The following HIP1 variants were observed in gnomAD, a reference collection of about 807,000 sequenced individuals.
HIP1 encodes huntingtin-interacting protein 1.
Under a neutral mutation model 147.6 loss-of-function variants are expected in HIP1, and 65 were observed. The observed-to-expected ratio is 0.44, with a 90% CI of 0.36 to 0.54. The LOEUF (loss-of-function observed/expected upper bound fraction) is 0.54. Ranked by LOEUF, HIP1 falls within the 20% of genes least tolerant of loss-of-function variation. HIP1 has a pLI of 0.00. For missense variants in HIP1, 1,061 were observed against 1,299.6 expected (o/e 0.82, Z 2.82); for synonymous variants, 479 against 504.0 (o/e 0.95, Z 0.67).
chr7:75,594,760 C>T (rs1485211452), intron 2 of HIP1, among the ~76,000 whole-genome samples: 3 of 152,142 alleles, frequency 2.0e-5, no homozygotes, highest in Non-Finnish European at 2.9e-5. Flanking sequence ...GGCGACAGAG[C>T]GAGACTCCAT....
intron 1 of HIP1, among the ~76,000 whole-genome samples, chr7:75,678,589 C>T (rs1194870948): frequency 5.3e-5 from 8 of 152,162 alleles, no homozygotes; most frequent in African/African-American, 1.9e-4. Context: ...AGTGATCCAC[C>T]TGCCTCGGCC....
intron 1 of HIP1, among the ~76,000 whole-genome samples, chr7:75,733,262 A>C (rs897279408): frequency 2.0e-5 from 3 of 152,012 alleles, no homozygotes; most frequent in African/African-American, 7.2e-5. Flanking sequence ...GCACGTTACC[A>C]AGCTCTTTGA....
At chr7:75,628,838 C>A (rs1003499670) in intron 1 of HIP1, among the ~76,000 whole-genome samples, 4 of 152,166 alleles carry the variant, frequency 2.6e-5, no homozygotes, top group Admixed American at 2.6e-4. Context: ...ATTATCTACA[C>A]CTGGCATGAG....
At chr7:75,574,365 G>T (rs1409793563) in intron 7 of HIP1, among the ~76,000 whole-genome samples, 1 of 151,880 alleles carries the variant, frequency 6.6e-6, no homozygotes, top group African/African-American at 2.4e-5. Flanking sequence ...GAGGCGGGTG[G>T]ATCGCCTGAG....
chr7:75,580,077 G>A (rs1554498322), intron 7 of HIP1, among the ~76,000 whole-genome samples: 1 of 152,220 alleles, frequency 6.6e-6, no homozygotes, highest in Non-Finnish European at 1.5e-5. Flanking sequence ...TTGGCAGGCA[G>A]GAGCCTGGAA....
chr7:75,617,749 G>A (rs1166748035), intron 1 of HIP1, among the ~76,000 whole-genome samples: 2 of 152,190 alleles, frequency 1.3e-5, no homozygotes, highest in East Asian at 3.9e-4. Context: ...GGCTTCGAAA[G>A]GGGCTCCTCC....
At chr7:75,540,172 AATC>A (rs1554489571) in intron 29 of HIP1, among the ~76,000 whole-genome samples, 1 of 152,134 alleles carries the variant, frequency 6.6e-6, no homozygotes, top group East Asian at 1.9e-4. Context: ...TTATGCCCGT[AATC>A]CCAGCACTTT....
chr7:75,661,823 G>A (rs962395254), intron 1 of HIP1, among the ~76,000 whole-genome samples: 4 of 152,016 alleles, frequency 2.6e-5, no homozygotes, highest in Non-Finnish European at 5.9e-5. Context: ...GCAGTGGGAG[G>A]TGGTGAGAGG....
chr7:75,576,674 A>C (rs1314792132), intron 7 of HIP1, among the ~76,000 whole-genome samples: 1 of 152,086 alleles, frequency 6.6e-6, no homozygotes, highest in Non-Finnish European at 1.5e-5. Context: ...CCACCACTGC[A>C]CTCCAGCCTG....
chr7:75,542,741 T>C, intron 28 of HIP1, 110 bp downstream of exon 28: 1 of 1,033,748 alleles, frequency 9.7e-7, no homozygotes, highest in Non-Finnish European at 1.4e-6. Context: ...AGATGAAAAA[T>C]ATGAAAGAAT....
intron 1 of HIP1, among the ~76,000 whole-genome samples, chr7:75,712,822 GCATT>G (rs1278310841): frequency 6.6e-6 from 1 of 151,464 alleles, no homozygotes; most frequent in East Asian, 1.9e-4. Flanking sequence ...ATTTACTCAT[GCATT>G]CAGTCACTCA....
intron 7 of HIP1, among the ~76,000 whole-genome samples, chr7:75,580,750 T>C (rs1395051671): frequency 6.6e-6 from 1 of 151,386 alleles, no homozygotes; most frequent in Non-Finnish European, 1.5e-5. Flanking sequence ...CTCTCTCTCT[T>C]TTTTCTTTTG....
At chr7:75,542,494 T>A (rs1794365089) in intron 28 of HIP1, among the ~76,000 whole-genome samples, 1 of 151,008 alleles carries the variant, frequency 6.6e-6, no homozygotes, top group Non-Finnish European at 1.5e-5. Flanking sequence ...AGGTGAGGAG[T>A]TCGAGACCAG....
chr7:75,575,328 C>T (rs587696219), intron 7 of HIP1, among the ~76,000 whole-genome samples: 2 of 151,876 alleles, frequency 1.3e-5, no homozygotes, highest in East Asian at 1.9e-4. Context: ...GGTGTGGTGG[C>T]GTGTGCCTGT....
At chr7:75,679,183 C>G (rs1016578354) in intron 1 of HIP1, among the ~76,000 whole-genome samples, 13 of 152,284 alleles carry the variant, frequency 8.5e-5, no homozygotes, top group African/African-American at 3.1e-4. Flanking sequence ...TCCACTTTTG[C>G]TAGATCAACA....
At position 75,679,673 on chromosome 7, in the gene HIP1, A is replaced by AATTTTC. The variant is rs201974860; in HGVS notation, c.120+59122_120+59127dup. 1.7e-4 allele frequency among the ~76,000 whole-genome samples: 10 copies of AATTTTC among 59,318 alleles called. No individual in the cohort carries two copies. In the Admixed American group the frequency reaches 1.9e-3, roughly 11 times the overall value. The allele number at this position is 59,318 out of a possible 152,430, so 38.9% of individuals were successfully genotyped here. A position where few individuals can be genotyped will look rare whatever the true frequency, so the allele number is the denominator to read the frequency against. On this transcript the variant is annotated intron_variant, in intron 1 of 30. Transcript: ENST00000336926. Reference sequence around the variant, plus strand: ...TCCTGGTTTCCCTCCTTTCTCTATTAATTTTCTTGTTTGGCTTCTTCTCAA... The same window carrying AATTTTC: ...TCCTGGTTTCCCTCCTTTCTCTATTAATTTTCATTTTCTTGTTTGGCTTCTTCTCAA...
intron 1 of HIP1, among the ~76,000 whole-genome samples, chr7:75,676,566 C>T (rs1799896074): frequency 6.6e-6 from 1 of 151,874 alleles, no homozygotes; most frequent in African/African-American, 2.4e-5. Context: ...CACCTAATGT[C>T]AGGAGTTCGA....
Position 75,582,125 on chromosome 7 carries a change from C to T in HIP1, c.492G>A (p.Gln164=). 1.2e-6 allele frequency: 2 copies of T among 1,614,040 alleles called. No homozygotes were observed. The highest frequency in any genetic ancestry group is 1.7e-5 in the Admixed American group (1 of 59,976). ...CCTCGTCCAGCTGGCGGTCACTCAT[C>T]TGCAGGTTGCCTGGGAACCTGGGAT... ...TKNPRFPGNL[Q]MSDRQLDEAG... Residue 164 remains glutamine (Q), a synonymous_variant, in exon 6 of 31, where the codon CAG becomes CAA. Transcript: ENST00000336926.
intron 1 of HIP1, among the ~76,000 whole-genome samples, chr7:75,702,065 G>T (rs1377617401): frequency 2.0e-5 from 3 of 151,138 alleles, no homozygotes; most frequent in African/African-American, 7.3e-5. Flanking sequence ...AAGTAGCTGG[G>T]ACTACAGGTG....
Sources: allele counts gnomAD v4.1 joint callset (sites outside exome capture counted in the v4.1 genomes callset), GRCh38; gene constraint gnomAD v4.1.1; transcripts MANE v1.5; gene names NCBI Gene and HGNC (gene_info 2026-07-23, HGNC 2026-07-21).